KLHL13: variants seen among roughly 807,000 people sequenced by gnomAD.
KLHL13 encodes the protein kelch like family member 13.
Under a neutral mutation model 37.1 loss-of-function variants are expected in KLHL13, and 10 were observed. The observed-to-expected ratio is 0.27, with a 90% CI of 0.17 to 0.46. KLHL13 has a LOEUF of 0.46. Among genes scored for constraint, KLHL13 ranks in the 20% least tolerant of loss-of-function variants. The probability of loss-of-function intolerance (pLI) is 1.00; values close to 1 mark genes in which losing one functional copy is unlikely to be tolerated. For synonymous variants in KLHL13, 163 were observed against 181.2 expected (o/e 0.90, Z 0.81); for missense variants, 360 against 509.3 (o/e 0.71, Z 2.82).
At chrX:118,064,248 G>T (rs1046990709) in intron 1 of KLHL13, among the ~76,000 whole-genome samples, 1 of 111,538 alleles carries the variant, frequency 9.0e-6, no homozygotes, top group Non-Finnish European at 1.9e-5. Flanking sequence ...TTAAAAATGT[G>T]TTTTTGAAAA....
chrX:118,091,590 C>T (rs1345149804), intron 1 of KLHL13, among the ~76,000 whole-genome samples: 1 of 109,495 alleles, frequency 9.1e-6, no homozygotes, highest in Non-Finnish European at 1.9e-5. Context: ...ATTATCCAAC[C>T]TTAAAAACAA....
At chrX:117,985,274 T>C in intron 1 of KLHL13, 6 of 1,144,212 alleles carry the variant, frequency 5.2e-6, no homozygotes, top group Non-Finnish European at 6.9e-6. Context: ...GTTTGAACTC[T>C]CATCATTTGT....
chrX:118,062,183 T>C (rs2054749698), intron 1 of KLHL13, among the ~76,000 whole-genome samples: 1 of 111,259 alleles, frequency 9.0e-6, no homozygotes, highest in East Asian at 2.8e-4. Flanking sequence ...CAGGGTCTTG[T>C]TCTCTATCAC....
chrX:118,032,120 C>A (rs1007405052), intron 1 of KLHL13, among the ~76,000 whole-genome samples: 1 of 111,548 alleles, frequency 9.0e-6, no homozygotes, highest in Admixed American at 9.5e-5. Context: ...ATTGCTTGCA[C>A]AGCAGTCTGA....
intron 1 of KLHL13, among the ~76,000 whole-genome samples, chrX:117,963,851 A>C (rs967738234): frequency 9.4e-6 from 1 of 106,852 alleles, no homozygotes; most frequent in Non-Finnish European, 1.9e-5. Context: ...ACCATGGAAT[A>C]CTATGCAGCC....
intron 1 of KLHL13, among the ~76,000 whole-genome samples, chrX:117,980,936 C>T (rs187222071): frequency 5.9e-4 from 66 of 111,807 alleles, no homozygotes; most frequent in Non-Finnish European, 9.8e-4. Context: ...GCCCACTATG[C>T]CACTATCCAA....
intron 1 of KLHL13, among the ~76,000 whole-genome samples, chrX:118,088,746 G>A (rs1374173066): frequency 1.8e-5 from 2 of 111,556 alleles, no homozygotes; most frequent in Non-Finnish European, 3.8e-5. Flanking sequence ...AACTTCCTCT[G>A]GAAAGATGAG....
intron 1 of KLHL13, among the ~76,000 whole-genome samples, chrX:118,037,040 T>G (rs1318070279): frequency 1.1e-5 from 1 of 92,110 alleles, no homozygotes; most frequent in Non-Finnish European, 2.1e-5. Context: ...AAAACCACAA[T>G]GAGATACCAT....
intron 1 of KLHL13, among the ~76,000 whole-genome samples, chrX:118,087,634 A>C (rs2055070507): frequency 9.0e-6 from 1 of 111,492 alleles, no homozygotes; most frequent in Non-Finnish European, 1.9e-5. Flanking sequence ...GCATAGTACA[A>C]AATTAAAGTA....
intron 1 of KLHL13, among the ~76,000 whole-genome samples, chrX:118,034,487 G>A (rs1191662551): frequency 1.0e-5 from 1 of 98,572 alleles, no homozygotes; most frequent in East Asian, 3.0e-4. Flanking sequence ...GCTACTGAAT[G>A]ACTACTGGGT....
At chrX:117,977,753 T>G (rs1031293569), upstream of KLHL13, among the ~76,000 whole-genome samples, 4 of 112,425 alleles carry the variant, frequency 3.6e-5, no homozygotes, top group African/African-American at 1.3e-4. Flanking sequence ...AGTACTTGGA[T>G]AGCAACCAAA....
chrX:117,904,512 G>A (rs762747752), intron 5 of KLHL13, among the ~76,000 whole-genome samples: 1 of 111,287 alleles, frequency 9.0e-6, no homozygotes, highest in Non-Finnish European at 1.9e-5. Flanking sequence ...ATCTAGAGCA[G>A]GTGGCAGCAA....
intron 1 of KLHL13, among the ~76,000 whole-genome samples, chrX:117,950,326 G>A (rs1307088624): frequency 3.6e-5 from 4 of 111,148 alleles, no homozygotes; most frequent in African/African-American, 6.6e-5. Context: ...AATCAGCCGC[G>A]CGCAGTGGCA....
chrX:118,100,639 G>A (rs1044741891), intron 1 of KLHL13, among the ~76,000 whole-genome samples: 2 of 110,841 alleles, frequency 1.8e-5, no homozygotes, highest in Non-Finnish European at 3.8e-5. Flanking sequence ...TGTATTACTC[G>A]CCTACTTAAA....
At chrX:118,079,225 C>G (rs1413336637) in intron 1 of KLHL13, among the ~76,000 whole-genome samples, 6 of 110,197 alleles carry the variant, frequency 5.4e-5, no homozygotes, top group Middle Eastern at 9.3e-3. Context: ...AGAAAAGATT[C>G]AGCCATCTCT....
chrX:117,970,778 T>A (rs1375070562), intron 1 of KLHL13, among the ~76,000 whole-genome samples: 2 of 111,965 alleles, frequency 1.8e-5, no homozygotes, highest in Non-Finnish European at 3.8e-5. Context: ...CATAAATTTC[T>A]ATCTGTGCAT....
At chrX:117,977,509 G>GTCCC (rs1304386360), upstream of KLHL13, among the ~76,000 whole-genome samples, 1 of 111,270 alleles carries the variant, frequency 9.0e-6, no homozygotes, top group Non-Finnish European at 1.9e-5. Context: ...TTTTCCTGAT[G>GTCCC]TCCCCTAAGA....
At chrX:117,942,214 C>A (rs1046751929) in intron 2 of KLHL13, among the ~76,000 whole-genome samples, 2 of 111,680 alleles carry the variant, frequency 1.8e-5, no homozygotes, top group East Asian at 5.6e-4. Flanking sequence ...GATTTCTGTT[C>A]TTTTACACTT....
intron 1 of KLHL13, among the ~76,000 whole-genome samples, chrX:118,100,118 G>C (rs2055271706): frequency 9.0e-6 from 1 of 111,295 alleles, no homozygotes; most frequent in East Asian, 2.8e-4. Flanking sequence ...ACACTAAAGA[G>C]AGCTCTGCTT....
Sources: allele counts gnomAD v4.1 joint callset (sites outside exome capture counted in the v4.1 genomes callset), GRCh38; gene constraint gnomAD v4.1.1; transcripts MANE v1.5; gene names NCBI Gene and HGNC (gene_info 2026-07-23, HGNC 2026-07-21).